Variants in TGFB2 observed in about 807,000 individuals in gnomAD.
TGFB2 encodes transforming growth factor beta 2.
Under a neutral mutation model 42.7 loss-of-function variants are expected in TGFB2, and 13 were observed. That is an observed-to-expected ratio of 0.30 (90% CI 0.20 to 0.48). The LOEUF is 0.48. TGFB2 is among the 20% of genes least tolerant of loss of function. The probability of loss-of-function intolerance (pLI) is 0.99; values close to 1 mark genes in which losing one functional copy is unlikely to be tolerated. For synonymous variants in TGFB2, 193 were observed against 193.6 expected, an observed-to-expected ratio of 1.00 and a Z score of 0.03; for missense variants, 390 against 517.5, an observed-to-expected ratio of 0.75 and a Z score of 2.39.
At chr1:218,415,174 C>A (rs912546851) in intron 2 of TGFB2, among the ~76,000 whole-genome samples, 7 of 152,184 alleles carry the variant, frequency 4.6e-5, no homozygotes, top group Non-Finnish European at 1.0e-4. Context: ...GTATCTGTAT[C>A]CTCAGCGGTT....
chr1:218,434,373 C>G lies in TGFB2; in HGVS notation c.679C>G (p.Pro227Ala), dbSNP rs766148763. 6.2e-7 allele frequency: 1 copy of G among 1,613,986 alleles called. No individual in the cohort carries two copies. The highest frequency in any genetic ancestry group is 1.1e-5 in the South Asian group (1 of 91,062). The change falls in exon 4 of 7, where the codon CCC (proline) becomes GCC (alanine). Residue 227 changes from proline to alanine, a missense_variant. Pro to Ala is a conservative substitution (Grantham distance 27). Transcript: ENST00000366930. ...NLGFKISLHC[P>A]CCTFVPSNNY... ...GGGATTTAAAATAAGCTTACACTGT[C>G]CCTGCTGCACTTTTGTACCATCTAA... is the stretch of plus-strand genomic sequence containing the variant.
At chr1:218,418,464 G>A (rs966587948) in intron 2 of TGFB2, among the ~76,000 whole-genome samples, 3 of 152,282 alleles carry the variant, frequency 2.0e-5, no homozygotes, top group African/African-American at 7.2e-5. Flanking sequence ...GATTTTATAG[G>A]CTCATAGGCA....
chr1:218,410,476 C>T (rs1659058499), intron 2 of TGFB2, among the ~76,000 whole-genome samples: 2 of 152,186 alleles, frequency 1.3e-5, no homozygotes, highest in South Asian at 4.1e-4. Context: ...AAAATAAAAT[C>T]TTTCTTTCCT....
intron 1 of TGFB2, among the ~76,000 whole-genome samples, chr1:218,399,228 A>G (rs1447638093): frequency 6.6e-6 from 1 of 152,224 alleles, no homozygotes; most frequent in Non-Finnish European, 1.5e-5. Context: ...CAAAAATAGT[A>G]CAGAGAGTTC....
At chr1:218,422,689 T>C (rs1028295600) in intron 2 of TGFB2, among the ~76,000 whole-genome samples, 31 of 152,338 alleles carry the variant, frequency 2.0e-4, no homozygotes, top group Non-Finnish European at 1.3e-4. Context: ...TAACATTTCC[T>C]GGTAACCTAT....
chr1:218,370,070 C>G (rs1461441608), intron 1 of TGFB2, among the ~76,000 whole-genome samples: 1 of 152,148 alleles, frequency 6.6e-6, no homozygotes, highest in Non-Finnish European at 1.5e-5. Flanking sequence ...AGATCCTGTC[C>G]TCAGGGAGCC....
intron 1 of TGFB2, among the ~76,000 whole-genome samples, chr1:218,393,968 G>C (rs1189241472): frequency 6.6e-6 from 1 of 150,950 alleles, no homozygotes; most frequent in Admixed American, 6.6e-5. Flanking sequence ...GTCCAGTGGC[G>C]CAATCTCGGC....
intron 1 of TGFB2, among the ~76,000 whole-genome samples, chr1:218,369,772 G>T (rs1358914630): frequency 6.6e-6 from 1 of 152,210 alleles, no homozygotes. Flanking sequence ...GAAATAGAAA[G>T]TCAAGCTTGG....
chr1:218,391,493 T>A (rs1449570563), intron 1 of TGFB2, among the ~76,000 whole-genome samples: 2 of 152,120 alleles, frequency 1.3e-5, no homozygotes, highest in East Asian at 3.8e-4. Context: ...TATCTGTGAG[T>A]TTTGGGGATT....
At chr1:218,399,574 A>G (rs1304288887) in intron 1 of TGFB2, among the ~76,000 whole-genome samples, 1 of 152,156 alleles carries the variant, frequency 6.6e-6, no homozygotes, top group East Asian at 1.9e-4. Flanking sequence ...GAAAGTTAGG[A>G]TTTCTCTTGT....
rs562252960 is a variant in TGFB2, at chr1:218,425,235, T to G, written c.511-8847T>G. ...GTTTTTGTTTTTTATTTAGTTGGAGTCTTGCTCCATCACGGAGGCTGGAGT... is the reference window on the plus strand; with the variant it reads ...GTTTTTGTTTTTTATTTAGTTGGAGGCTTGCTCCATCACGGAGGCTGGAGT... On this transcript the variant is annotated intron_variant, in intron 2 of 6. Coordinates refer to ENST00000366930, the MANE Select transcript of TGFB2 (RefSeq NM_003238.6). Among the ~76,000 whole-genome samples the G allele has an allele frequency of 3.6e-4, 55 of 152,186 alleles. No homozygotes were observed. In the South Asian group the frequency reaches 8.1e-3, roughly 22 times the overall value.
chr1:218,432,069 A>G lies in TGFB2; in HGVS notation c.511-2013A>G, dbSNP rs558880536. Among the ~76,000 whole-genome samples, 5 of 152,278 alleles carry G rather than the reference A, an allele frequency of 3.3e-5. No homozygotes were observed. The East Asian group carries it at 9.7e-4, about 29-fold the overall frequency. ...TGTCATTGAATGTTTTCTTGACTCA[A>G]TAACTTGTTTGGCCTTTAAAAATCC... On this transcript the variant is annotated intron_variant, in intron 2 of 6. Transcript: ENST00000366930.
At chr1:218,412,817 G>A (rs1271885489) in intron 2 of TGFB2, among the ~76,000 whole-genome samples, 1 of 152,134 alleles carries the variant, frequency 6.6e-6, no homozygotes, top group Non-Finnish European at 1.5e-5. Context: ...CAGTTGCCAG[G>A]TTGTTTTTAA....
intron 2 of TGFB2, among the ~76,000 whole-genome samples, chr1:218,426,294 A>G (rs1659623150): frequency 1.3e-5 from 2 of 152,198 alleles, no homozygotes; most frequent in African/African-American, 4.8e-5. Flanking sequence ...GTCTAACCCA[A>G]GTCCTGAGTT....
intron 2 of TGFB2, among the ~76,000 whole-genome samples, chr1:218,421,953 G>A (rs1445434393): frequency 1.3e-5 from 2 of 152,110 alleles, no homozygotes; most frequent in Non-Finnish European, 2.9e-5. Context: ...CTCCCTGGAG[G>A]CGTCAGAGAG....
intron 1 of TGFB2, among the ~76,000 whole-genome samples, chr1:218,401,305 G>T (rs749216058): frequency 6.6e-6 from 1 of 152,158 alleles, no homozygotes; most frequent in Non-Finnish European, 1.5e-5. Flanking sequence ...TTGGAAATTA[G>T]TGACTAGTTA....
intron 1 of TGFB2, among the ~76,000 whole-genome samples, chr1:218,368,144 T>C (rs1314810908): frequency 6.7e-6 from 1 of 148,722 alleles, no homozygotes; most frequent in South Asian, 2.1e-4. Flanking sequence ...TTCAGCTGTA[T>C]TTATTTTATT....
intron 2 of TGFB2, among the ~76,000 whole-genome samples, chr1:218,417,377 T>C (rs1274639482): frequency 6.6e-6 from 1 of 152,178 alleles, no homozygotes; most frequent in Non-Finnish European, 1.5e-5. Flanking sequence ...AACTTTGAAC[T>C]TGAGACAGAT....
At chr1:218,405,967 T>C (rs1174169827) in intron 2 of TGFB2, among the ~76,000 whole-genome samples, 2 of 152,162 alleles carry the variant, frequency 1.3e-5, no homozygotes, top group East Asian at 3.9e-4. Context: ...AGTCAGATAA[T>C]GTAGGTCCGA....
Sources: gnomAD v4.1 joint callset for allele counts (sites outside exome capture counted in the v4.1 genomes callset) on GRCh38, gnomAD v4.1.1 for gene constraint, MANE v1.5 for transcripts, NCBI Gene and HGNC (gene_info 2026-07-23, HGNC 2026-07-21) for gene names.